Variants in TCF7L2 observed in about 807,000 individuals in gnomAD.
The protein encoded by TCF7L2 is transcription factor 7 like 2, also known as transcription factor 7-like 2.
TCF7L2 carries 23 observed loss-of-function variants against 77.9 expected under a neutral mutation model. The ratio of observed to expected loss-of-function variants is 0.30; its 90% CI spans 0.21 to 0.42. The LOEUF (loss-of-function observed/expected upper bound fraction) is 0.42, where lower values mean the gene tolerates loss of function less well. Among genes scored for constraint, TCF7L2 ranks in the 10% least tolerant of loss-of-function variants. The probability of loss-of-function intolerance (pLI) is 1.00; values close to 1 mark genes in which losing one functional copy is unlikely to be tolerated. For missense variants in TCF7L2, 654 were observed against 793.1 expected, an observed-to-expected ratio of 0.82 and a Z score of 2.11; for synonymous variants, 413 against 340.2, an observed-to-expected ratio of 1.21 and a Z score of -2.36.
chr10:112,951,135 T>C (rs2030952804), intron 1 of TCF7L2, 72 bp from the exon 2 acceptor site: 1 of 1,375,664 alleles, frequency 7.3e-7, no homozygotes, highest in Non-Finnish European at 9.9e-7. Flanking sequence ...TCGCCGATTC[T>C]TTTTCTCCCC....
chr10:113,041,546 C>T (rs2052445765), intron 5 of TCF7L2, among the ~76,000 whole-genome samples: 1 of 152,164 alleles, frequency 6.6e-6, no homozygotes. Context: ...GTCTTCTCTC[C>T]TACAGGAGGT....
intron 11 of TCF7L2, among the ~76,000 whole-genome samples, chr10:113,153,793 C>T (rs2071269466): frequency 6.6e-6 from 1 of 152,212 alleles, no homozygotes; most frequent in South Asian, 2.1e-4. Flanking sequence ...TTAGCATCCG[C>T]CAGGAAATCG....
chr10:112,993,358 T>C (rs1428719744), intron 4 of TCF7L2, among the ~76,000 whole-genome samples: 4 of 151,554 alleles, frequency 2.6e-5, no homozygotes, highest in African/African-American at 9.7e-5. Flanking sequence ...ATACAAAAAT[T>C]AGCTGGGTGT....
intron 5 of TCF7L2, among the ~76,000 whole-genome samples, chr10:113,074,771 T>A (rs1193988890): frequency 6.6e-6 from 1 of 152,176 alleles, no homozygotes; most frequent in African/African-American, 2.4e-5. Flanking sequence ...ACCTCAGTAG[T>A]TTTCAGCTGG....
At chr10:112,982,336 GGCCTATCACGGGGATTCATGTGAGGCTCT>G (rs1264430993) in intron 4 of TCF7L2, among the ~76,000 whole-genome samples, 1 of 152,078 alleles carries the variant, frequency 6.6e-6, no homozygotes, top group African/African-American at 2.4e-5. Flanking sequence ...TGAGAAGACT[GGCCTATCACGGGGATTCATGTGAGGCTCT>G]GTCACAGGGG....
intron 4 of TCF7L2, among the ~76,000 whole-genome samples, chr10:112,983,074 A>G (rs2040780589): frequency 6.6e-6 from 1 of 152,114 alleles, no homozygotes; most frequent in Non-Finnish European, 1.5e-5. Context: ...AGTGACAGCA[A>G]GGCAGGAATT....
chr10:113,105,097 G>A (rs147620356), intron 5 of TCF7L2, among the ~76,000 whole-genome samples: 2 of 152,286 alleles, frequency 1.3e-5, no homozygotes, highest in East Asian at 3.9e-4. Context: ...GGGAAAGCCT[G>A]CACAATAGGT....
At chr10:112,971,686 C>T (rs1218337051) in intron 4 of TCF7L2, among the ~76,000 whole-genome samples, 4 of 151,260 alleles carry the variant, frequency 2.6e-5, no homozygotes, top group Non-Finnish European at 5.9e-5. Context: ...GATGTCGGCT[C>T]ACTGCAACCT....
At chr10:113,058,721 C>T (rs760349382) in intron 5 of TCF7L2, among the ~76,000 whole-genome samples, 5 of 151,642 alleles carry the variant, frequency 3.3e-5, no homozygotes, top group Non-Finnish European at 5.9e-5. Flanking sequence ...CGTGTGTGTG[C>T]GCTGTACGTT....
At chr10:112,979,496 C>A (rs1315593256) in intron 4 of TCF7L2, among the ~76,000 whole-genome samples, 3 of 152,254 alleles carry the variant, frequency 2.0e-5, no homozygotes, top group African/African-American at 7.2e-5. Context: ...GTGGCTCATG[C>A]CTGTAATTCC....
intron 12 of TCF7L2, 97 bp downstream of exon 12, chr10:113,158,166 G>A: frequency 7.4e-7 from 1 of 1,344,344 alleles, no homozygotes; most frequent in Non-Finnish European, 1.0e-6. Flanking sequence ...GAAATTCAAG[G>A]CCAGGACATT....
chr10:113,055,781 A>G (rs151077699), intron 5 of TCF7L2, among the ~76,000 whole-genome samples: 7 of 152,284 alleles, frequency 4.6e-5, no homozygotes, highest in African/African-American at 1.4e-4. Context: ...TTAAATTTTA[A>G]TGCCCTCAAA....
chr10:113,022,866 C>T (rs1405492739), intron 4 of TCF7L2, among the ~76,000 whole-genome samples: 1 of 152,168 alleles, frequency 6.6e-6, no homozygotes, highest in Non-Finnish European at 1.5e-5. Context: ...TTGAGATGGT[C>T]TGCTTTTATA....
chr10:113,104,223 C>CAG (rs2061994744), intron 5 of TCF7L2, among the ~76,000 whole-genome samples: 1 of 152,214 alleles, frequency 6.6e-6, no homozygotes, highest in South Asian at 2.1e-4. Flanking sequence ...GGAGGAACAT[C>CAG]ACGCTGGAGG....
intron 12 of TCF7L2, among the ~76,000 whole-genome samples, chr10:113,160,465 A>G (rs552285622): frequency 4.5e-4 from 68 of 151,970 alleles, no homozygotes; most frequent in South Asian, 8.3e-4. Context: ...TTTGGCTCAT[A>G]GAAGTCCTTT....
chr10:113,016,063 ATTT>A (rs60051883), intron 4 of TCF7L2, among the ~76,000 whole-genome samples: 5 of 144,488 alleles, frequency 3.5e-5, no homozygotes, highest in Non-Finnish European at 3.1e-5. Flanking sequence ...TGCTTGGTGT[ATTT>A]TTTTTTTTTT....
At chr10:112,964,769 GTGGTGGTGATGGTGGTGGTGGTGA>G in intron 4 of TCF7L2, 145 bp downstream of exon 4, 1 of 715,210 alleles carries the variant, frequency 1.4e-6, no homozygotes, top group Admixed American at 2.2e-5. Flanking sequence ...GATGGTGGTG[GTGGTGGTGATGGTGGTGGTGGTGA>G]TGGTGGTGGT....
In TCF7L2 at chr10:112,950,351, A is replaced by G. The variant is rs2030636760; in HGVS notation, c.-406A>G. ...TTTGAACTGAAAAGCTCTCAGTCTA[A>G]CTTCAACTCACTCAAATCCGAGCGG... On this transcript the variant is annotated 5_prime_UTR_variant, in exon 1 of 14. Transcript: ENST00000627217. 1 of 252,784 alleles carries G rather than the reference A, an allele frequency of 4.0e-6. No homozygotes were observed. Among genetic ancestry groups the G allele is most frequent in the African/African-American group, 2.3e-5 (1 of 44,154 alleles). The allele number at this position is 252,784 out of a possible 1,614,324, so 15.7% of individuals were successfully genotyped here. A position where few individuals can be genotyped will look rare whatever the true frequency, so the allele number is the denominator to read the frequency against.
chr10:113,112,347 C>T (rs74413019), intron 5 of TCF7L2, among the ~76,000 whole-genome samples: 4,410 of 152,382 alleles, frequency 0.029, 90 homozygotes, highest in Non-Finnish European at 0.043. Flanking sequence ...CACACACACA[C>T]ACATGCACAC....
Sources: allele counts gnomAD v4.1 joint callset (sites outside exome capture counted in the v4.1 genomes callset), GRCh38; gene constraint gnomAD v4.1.1; transcripts MANE v1.5; gene names NCBI Gene and HGNC (gene_info 2026-07-23, HGNC 2026-07-21).